The following RTL4 variants were observed in gnomAD, a reference collection of about 807,000 sequenced individuals.
RTL4 encodes retrotransposon Gag-like protein 4.
Under a neutral mutation model 5.3 loss-of-function variants are expected in RTL4, and 4 were observed. That is an observed-to-expected ratio of 0.75 (90% CI 0.37 to 1.72). The LOEUF is 1.72. Ranked by LOEUF, RTL4 falls within the 40% of genes most tolerant of loss-of-function variation. RTL4 has a pLI of 0.04. For synonymous variants in RTL4, 98 were observed against 87.3 expected (o/e 1.12, Z -0.68); for missense variants, 260 against 227.1 (o/e 1.14, Z -0.93).
chrX:112,429,679 G>A, the RTL4 span, among the ~76,000 whole-genome samples: 9 of 110,699 alleles, frequency 8.1e-5, no homozygotes, highest in Admixed American at 1.9e-4. Flanking sequence ...GGTTTCTGAC[G>A]AATACCATTC....
At chrX:112,168,093 T>C in the RTL4 span, among the ~76,000 whole-genome samples, 41 of 111,527 alleles carry the variant, frequency 3.7e-4, no homozygotes, top group South Asian at 0.015. Flanking sequence ...GCCTCTAATA[T>C]GCAAGCTGAG....
At chrX:112,416,017 G>C in the RTL4 span, among the ~76,000 whole-genome samples, 11 of 112,070 alleles carry the variant, frequency 9.8e-5, no homozygotes, top group Non-Finnish European at 2.1e-4. Flanking sequence ...TGTTGACAGA[G>C]TCAGGCTCAC....
At chrX:112,189,786 T>G in the RTL4 span, among the ~76,000 whole-genome samples, 1 of 110,716 alleles carries the variant, frequency 9.0e-6, no homozygotes, top group Non-Finnish European at 1.9e-5. Flanking sequence ...GAAATAGCTT[T>G]TATAACTGTG....
At chrX:112,368,035 A>AT in the RTL4 span, among the ~76,000 whole-genome samples, 1 of 111,978 alleles carries the variant, frequency 8.9e-6, no homozygotes, top group African/African-American at 3.2e-5. Flanking sequence ...GATGTTGGAC[A>AT]TTTTTCACGA....
At chrX:112,139,598 C>A in the RTL4 span, among the ~76,000 whole-genome samples, 1 of 112,493 alleles carries the variant, frequency 8.9e-6, no homozygotes, top group Non-Finnish European at 1.9e-5. Flanking sequence ...TTCCCCATTC[C>A]TTCTACATTT....
the RTL4 span, among the ~76,000 whole-genome samples, chrX:112,364,311 C>T: frequency 2.0e-4 from 22 of 111,459 alleles, no homozygotes; most frequent in Non-Finnish European, 4.0e-4. Context: ...ACCCTCTACT[C>T]CCCATGAGAA....
the RTL4 span, among the ~76,000 whole-genome samples, chrX:112,123,663 A>C: frequency 4.5e-5 from 5 of 111,833 alleles, no homozygotes; most frequent in Non-Finnish European, 9.4e-5. Flanking sequence ...GTTCTCTTCC[A>C]TTGGACTGTA....
chrX:112,327,113 A>T, the RTL4 span, among the ~76,000 whole-genome samples: 1 of 112,514 alleles, frequency 8.9e-6, no homozygotes, highest in African/African-American at 3.2e-5. Context: ...CCTCCTCCAA[A>T]GGAACGCAGT....
the RTL4 span, among the ~76,000 whole-genome samples, chrX:112,343,095 G>A: frequency 8.9e-6 from 1 of 111,823 alleles, no homozygotes; most frequent in African/African-American, 3.3e-5. Context: ...GAGAAACAGA[G>A]TGAGATTCCG....
At chrX:112,371,193 T>A in the RTL4 span, among the ~76,000 whole-genome samples, 1 of 111,156 alleles carries the variant, frequency 9.0e-6, no homozygotes, top group South Asian at 3.8e-4. Context: ...AGAAAATCAA[T>A]TACCAGATTC....
At chrX:112,397,227 G>T in the RTL4 span, among the ~76,000 whole-genome samples, 715 of 111,704 alleles carry the variant, frequency 6.4e-3, 4 homozygotes, top group Middle Eastern at 0.014. Flanking sequence ...AAGTGGTGTA[G>T]TATTTTCATA....
the RTL4 span, among the ~76,000 whole-genome samples, chrX:112,314,417 C>T: frequency 1.8e-5 from 2 of 108,877 alleles, no homozygotes; most frequent in Non-Finnish European, 3.8e-5. Context: ...AGGATAAATA[C>T]TGCAAAACAA....
the RTL4 span, among the ~76,000 whole-genome samples, chrX:112,369,347 G>C: frequency 9.0e-6 from 1 of 111,628 alleles, no homozygotes; most frequent in African/African-American, 3.3e-5. Context: ...CTGAGGGTAT[G>C]TCTCTCACCC....
the RTL4 span, among the ~76,000 whole-genome samples, chrX:112,315,600 C>G: frequency 1.8e-5 from 2 of 111,804 alleles, no homozygotes; most frequent in Non-Finnish European, 3.8e-5. Flanking sequence ...CAACCATCTT[C>G]ATGTGTTTTG....
the RTL4 span, among the ~76,000 whole-genome samples, chrX:112,383,552 C>T: frequency 1.1e-4 from 12 of 111,139 alleles, no homozygotes; most frequent in South Asian, 1.5e-3. Context: ...AACATTTATC[C>T]ACTGGAAAAA....
chrX:112,391,940 T>C, the RTL4 span, among the ~76,000 whole-genome samples: 1 of 110,902 alleles, frequency 9.0e-6, no homozygotes, highest in Admixed American at 9.5e-5. Context: ...TAGCAATTGT[T>C]CAGTCCAGTC....
the RTL4 span, among the ~76,000 whole-genome samples, chrX:112,295,909 A>C: frequency 8.9e-6 from 1 of 112,633 alleles, no homozygotes; most frequent in African/African-American, 3.2e-5. Flanking sequence ...AAGTCAGGTA[A>C]GTGACAATAA....
the RTL4 span, among the ~76,000 whole-genome samples, chrX:112,219,024 T>C: frequency 9.0e-6 from 1 of 111,339 alleles, no homozygotes; most frequent in Non-Finnish European, 1.9e-5. Context: ...GATAGCACAA[T>C]AGACCCATCT....
exon 1 of RTL4, chrX:112,455,926 G>A: frequency 2.8e-6 from 1 of 359,940 alleles, no homozygotes; most frequent in East Asian, 4.5e-5. Context: ...AAAACCTGCA[G>A]GCAAAACTTT....
Sources: gnomAD v4.1 joint callset for allele counts (sites outside exome capture counted in the v4.1 genomes callset) on GRCh38, gnomAD v4.1.1 for gene constraint, MANE v1.5 for transcripts, NCBI Gene and HGNC (gene_info 2026-07-23, HGNC 2026-07-21) for gene names.